Variants in KIF13A observed in about 807,000 individuals in gnomAD.
The protein encoded by KIF13A is kinesin-like protein KIF13A.
Under a neutral mutation model 212.2 loss-of-function variants are expected in KIF13A, and 79 were observed. The ratio of observed to expected loss-of-function variants is 0.37; its 90% CI spans 0.31 to 0.45. KIF13A has a LOEUF of 0.45. Ranked by LOEUF, KIF13A falls within the 20% of genes least tolerant of loss-of-function variation. KIF13A has a pLI of 1.00. For synonymous variants in KIF13A, 789 were observed against 808.6 expected, an observed-to-expected ratio of 0.98 and a Z score of 0.41; for missense variants, 1,901 against 2,209.0, an observed-to-expected ratio of 0.86 and a Z score of 2.79.
rs544047648 is a variant in KIF13A at position 17,846,751 on chromosome 6, A to C, written c.830+2626T>G. Reference sequence around the variant, plus strand: ...CACCAAGCCTTGGGGTAATCCAGTAAGGGACACTACATAAACTCACATCCA... The same window carrying C: ...CACCAAGCCTTGGGGTAATCCAGTACGGGACACTACATAAACTCACATCCA... On this transcript the variant is annotated intron_variant, in intron 9 of 38. Coordinates refer to ENST00000259711, the MANE Select transcript of KIF13A (RefSeq NM_022113.6). Among the ~76,000 whole-genome samples the C allele has an allele frequency of 2.6e-5, 4 of 152,322 alleles. No individual in the cohort carries two copies. The East Asian group carries it at 5.8e-4, about 22-fold the overall frequency.
At chr6:17,942,924 A>T (rs1777074751) in intron 2 of KIF13A, among the ~76,000 whole-genome samples, 1 of 152,142 alleles carries the variant, frequency 6.6e-6, no homozygotes, top group South Asian at 2.1e-4. Flanking sequence ...GGTTGCAGTG[A>T]GCCAAGATTG....
rs1779507802 is a variant in KIF13A at position 17,968,380 on chromosome 6, T to C, written c.146+18674A>G. ...CTTTCACTCCAGTCCTCTCTCCCTA[T>C]GACAACAGGAGGAACAGCTTCTCAT... On this transcript the variant is annotated intron_variant, in intron 2 of 38. Coordinates refer to ENST00000259711, the MANE Select transcript of KIF13A (RefSeq NM_022113.6). This position sits in a 1 kb window ranked among gnomAD's most constrained non-coding sequence, Gnocchi z 4.7. Among the ~76,000 whole-genome samples the C allele has an allele frequency of 2.0e-5, 3 of 152,162 alleles. No homozygotes were observed.
In KIF13A at chr6:17,852,039, A is replaced by C. The variant is rs1314279712; in HGVS notation, c.498T>G (p.Ser166Arg). The C allele has an allele frequency of 6.7e-7, 1 of 1,489,814 alleles. No homozygotes were observed. Among genetic ancestry groups the C allele is most frequent in the Non-Finnish European group, 8.9e-7 (1 of 1,118,688 alleles). 92.3% of individuals were successfully genotyped at this position (1,489,814 alleles called of 1,614,324 possible). ...KVRDLLDPKG[S>R]RQSLKVREHK... The stretch of plus-strand genomic sequence containing the variant: ...GTTCTCGAACTTTAAGAGACTGTCT[A>C]CTCCTGCGGGAGGGAGGAAAAAGGA... Residue 166 changes from serine (S) to arginine (R), a missense_variant, in exon 7 of 39, where the codon AGT (serine) becomes AGG (arginine). Ser to Arg is a moderately radical substitution (Grantham distance 110). Coordinates refer to ENST00000259711, the MANE Select transcript of KIF13A (RefSeq NM_022113.6).
intron 38 of KIF13A, among the ~76,000 whole-genome samples, chr6:17,767,422 T>C (rs1759105254): frequency 6.6e-6 from 1 of 151,524 alleles, no homozygotes; most frequent in Non-Finnish European, 1.5e-5. Context: ...GCCCGGCTAA[T>C]TTTTGTATTT....
Position 17,867,752 on chromosome 6 carries a change from A to G in KIF13A, c.220+5625T>C, listed in dbSNP as rs113259768. On this transcript the variant is annotated intron_variant, in intron 4 of 38. Transcript: ENST00000259711. ...TGCTAGAACAAATTAATATTGTAGA[A>G]CTCAGCTAAGAAATTGGTTCTATTT... Among the ~76,000 whole-genome samples the G allele has an allele frequency of 7.0e-3, 1,072 of 152,372 alleles. 15 individuals carry two copies. The highest frequency in any genetic ancestry group is 0.024 in the African/African-American group (1,007 of 41,586).
At chr6:17,875,737 G>A (rs1167880962) in intron 3 of KIF13A, among the ~76,000 whole-genome samples, 1 of 152,082 alleles carries the variant, frequency 6.6e-6, no homozygotes, top group Non-Finnish European at 1.5e-5. Flanking sequence ...TTACAGGCGT[G>A]AGCCACCATG....
intron 2 of KIF13A, among the ~76,000 whole-genome samples, chr6:17,969,983 C>T (rs1327939002): frequency 2.0e-5 from 3 of 151,290 alleles, no homozygotes; most frequent in Non-Finnish European, 2.9e-5. Context: ...AGTGCAGTGG[C>T]GCGATCTCGG....
At chr6:17,833,780 C>T (rs982942154) in intron 12 of KIF13A, among the ~76,000 whole-genome samples, 181 bp downstream of exon 12, 42 of 138,844 alleles carry the variant, frequency 3.0e-4, no homozygotes, top group African/African-American at 1.1e-3. Flanking sequence ...TGCTTGAGCC[C>T]GGGAGGTGGA....
At chr6:17,801,446 G>C (rs1035875308) in intron 20 of KIF13A, among the ~76,000 whole-genome samples, 1 of 152,180 alleles carries the variant, frequency 6.6e-6, no homozygotes, top group Non-Finnish European at 1.5e-5. Flanking sequence ...AGGTTGCAGT[G>C]AGCCGAGATC....
chr6:17,812,558 C>T (rs1255385095), intron 17 of KIF13A: 1 of 152,128 alleles, frequency 6.6e-6, no homozygotes, highest in Non-Finnish European at 1.5e-5. Flanking sequence ...ACATGTACCA[C>T]GTTTTCTTTA....
chr6:17,859,854 C>G (rs897515320), intron 4 of KIF13A, among the ~76,000 whole-genome samples: 3 of 151,734 alleles, frequency 2.0e-5, no homozygotes, highest in African/African-American at 4.8e-5. Flanking sequence ...CCAGGCTGGT[C>G]TCGAACTCCT....
chr6:17,796,702 G>A lies in KIF13A; in HGVS notation c.2909C>T (p.Ser970Phe). 1.3e-6 allele frequency: 2 copies of A among 1,582,730 alleles called. No individual in the cohort carries two copies. Among genetic ancestry groups the A allele is most frequent in the Non-Finnish European group, 1.7e-6 (2 of 1,163,026 alleles). Reference sequence around the variant, plus strand: ...CAGTGTTCTTGTCTTAGCATGAAGAGAATCGACCTCCCAGATGGAGCTGCC... The same window carrying A: ...CAGTGTTCTTGTCTTAGCATGAAGAAAATCGACCTCCCAGATGGAGCTGCC... ...GNGSSIWEVD[S>F]LHAKTRTLHD... Residue 970 changes from serine to phenylalanine, a missense_variant, in exon 23 of 39, where the codon TCT becomes TTT. Around this residue, in one of 5 missense-constraint regions of KIF13A, gnomAD observed 534 missense variants for 536.9 expected, o/e 0.99. Coordinates refer to ENST00000259711, the MANE Select transcript of KIF13A (RefSeq NM_022113.6).
At position 17,794,263 on chromosome 6, in the gene KIF13A, G is replaced by T. The variant is rs3734234; in HGVS notation, c.3208C>A (p.Leu1070Met). The T allele has an allele frequency of 6.2e-7, 1 of 1,612,226 alleles. No homozygotes were observed. The change falls in exon 25 of 39, where the codon CTG becomes ATG. Residue 1070 changes from leucine (L) to methionine (M), a missense_variant. Coordinates refer to ENST00000259711, the MANE Select transcript of KIF13A (RefSeq NM_022113.6). The surrounding 1 kb of genome is among the most constrained non-coding windows in gnomAD (Gnocchi z 4.1). ...TARSTKLQRG[L>M]DSYQRDDEDG... ...GCTTGTCTTACCTGGTAACTGTCCA[G>T]CCCTCTTTGGAGTTTGGTGGACCTG... is the stretch of plus-strand genomic sequence containing the variant.
At chr6:17,977,042 C>T (rs906321962) in intron 2 of KIF13A, among the ~76,000 whole-genome samples, 6 of 148,598 alleles carry the variant, frequency 4.0e-5, no homozygotes, top group African/African-American at 1.5e-4. Flanking sequence ...GCAGAGCTTG[C>T]AGTGAGCCGA....
rs1775480928 is a variant in KIF13A, at chr6:17,926,160, T to C, written c.147-27980A>G. ...AAAGAAATGCATTGCTTATCTTGTA[T>C]TAATATATAGAGTGACCAACATTCA... On this transcript the variant is annotated intron_variant, in intron 2 of 38. Transcript: ENST00000259711. The surrounding 1 kb of genome is among the most constrained non-coding windows in gnomAD (Gnocchi z 4.3). Among the ~76,000 whole-genome samples, 1 of 152,208 alleles carries C rather than the reference T, an allele frequency of 6.6e-6. No homozygotes were observed. The highest frequency in any genetic ancestry group is 1.5e-5 in the Non-Finnish European group (1 of 68,038).
At position 17,837,097 on chromosome 6, in the gene KIF13A, A is replaced by G. The variant is rs770369738; in HGVS notation, c.943-7T>C. On this transcript the variant is annotated splice_region_variant and splice_polypyrimidine_tract_variant and intron_variant, in intron 10 of 38. Transcript: ENST00000259711. This position sits in a 1 kb window ranked among gnomAD's most constrained non-coding sequence, Gnocchi z 5.4. ...TGTTGCCCCCCAAGTTGTCCTGCCA[A>G]GTATTTCAAACAGCATCTTAGGAAG... is the stretch of plus-strand genomic sequence containing the variant. 1 of 1,612,976 alleles carries G rather than the reference A, an allele frequency of 6.2e-7. No individual in the cohort carries two copies. The highest frequency in any genetic ancestry group is 8.5e-7 in the Non-Finnish European group (1 of 1,179,152).
chr6:17,895,795 G>C lies in KIF13A; in HGVS notation c.159+2373C>G, dbSNP rs1772505714. 6.6e-6 allele frequency among the ~76,000 whole-genome samples: 1 copy of C among 152,038 alleles called. No homozygotes were observed. Among genetic ancestry groups the C allele is most frequent in the Admixed American group, 6.6e-5 (1 of 15,262 alleles). ...GGTCTAGTAATTCCTCACTAACTTG[G>C]CTTATCTCCAGTGCCTTCAAGCACA... is the stretch of plus-strand genomic sequence containing the variant. On this transcript the variant is annotated intron_variant, in intron 3 of 38. Transcript: ENST00000259711. The surrounding 1 kb of genome is among the most constrained non-coding windows in gnomAD (Gnocchi z 4.4).
In KIF13A at chr6:17,773,311, T is replaced by A. The variant is rs960318040; in HGVS notation, c.4324+167A>T. 2.6e-5 allele frequency among the ~76,000 whole-genome samples: 4 copies of A among 152,132 alleles called. No individual in the cohort carries two copies. The highest frequency in any genetic ancestry group is 6.5e-5 in the Admixed American group (1 of 15,268). The stretch of plus-strand genomic sequence containing the variant: ...ATGTTGGATACAAAACAAAAATAAA[T>A]CAAATAAGTGAATGTTATATGTTAC... On this transcript the variant is annotated intron_variant, in intron 36 of 38. Transcript: ENST00000259711. This position sits in a 1 kb window ranked among gnomAD's most constrained non-coding sequence, Gnocchi z 4.2.
chr6:17,981,268 AG>A (rs1781052698), intron 2 of KIF13A, among the ~76,000 whole-genome samples: 1 of 152,080 alleles, frequency 6.6e-6, no homozygotes, highest in Non-Finnish European at 1.5e-5. Flanking sequence ...CATTGCATAC[AG>A]TTAAGAGTAT....
Sources: allele counts gnomAD v4.1 joint callset (sites outside exome capture counted in the v4.1 genomes callset), GRCh38; gene constraint gnomAD v4.1.1; regional missense constraint gnomAD v4.1.1; non-coding constraint Gnocchi (gnomAD v3.1); transcripts MANE v1.5; gene names NCBI Gene and HGNC (gene_info 2026-07-23, HGNC 2026-07-21).